Variants in DNAJC9 observed in about 807,000 individuals in gnomAD.
DNAJC9 encodes dnaJ homolog subfamily C member 9.
A neutral mutation model predicts 32.4 loss-of-function variants in DNAJC9; 18 were observed. That is an observed-to-expected ratio of 0.56 (90% CI 0.38 to 0.82). DNAJC9 has a LOEUF of 0.82. Among genes scored for constraint, DNAJC9 ranks in the 40% least tolerant of loss-of-function variants. DNAJC9 has a pLI of 0.00. For missense variants in DNAJC9, 310 were observed against 321.8 expected (o/e 0.96, Z 0.28); for synonymous variants, 113 against 122.1 (o/e 0.93, Z 0.49).
At chr10:73,240,211 AG>A (rs1290569015), downstream of DNAJC9, among the ~76,000 whole-genome samples, 1 of 152,230 alleles carries the variant, frequency 6.6e-6, no homozygotes, top group Admixed American at 6.5e-5. Flanking sequence ...AGGTAAATTT[AG>A]AAGTAATGGA....
At chr10:73,235,354 T>C (rs1207391793), downstream of DNAJC9, 5 of 1,549,644 alleles carry the variant, frequency 3.2e-6, no homozygotes, top group South Asian at 1.2e-5. Context: ...GTCTTGATAG[T>C]TGGGGAAAGA....
At chr10:73,245,467 A>C (rs2043996766) in intron 3 of DNAJC9, among the ~76,000 whole-genome samples, 1 of 151,970 alleles carries the variant, frequency 6.6e-6, no homozygotes, top group Non-Finnish European at 1.5e-5. Context: ...AAAAAAAAGA[A>C]AAGAAAAATT....
rs2043746370 is a variant in DNAJC9, at chr10:73,233,071, TCCA to T, written n.147+10769_147+10771del. 4 of 1,551,682 alleles carry T rather than the reference TCCA, an allele frequency of 2.6e-6. No individual in the cohort carries two copies. The South Asian group carries it at 4.8e-5, about 18-fold the overall frequency. Reference sequence around the variant, plus strand: ...CAGTGCAGTCCACCAGGAGACGCAATCCACCACCACGAACTCTTCATCCGATCA... The same window carrying T: ...CAGTGCAGTCCACCAGGAGACGCAATCCACCACGAACTCTTCATCCGATCA... On this transcript the variant is annotated intron_variant and non_coding_transcript_variant, in intron 2 of 2. Coordinates refer to the DNAJC9 transcript ENST00000469143.
chr10:73,246,553 T>G, intron 2 of DNAJC9, 135 bp downstream of exon 2: 1 of 990,996 alleles, frequency 1.0e-6, no homozygotes, highest in Non-Finnish European at 1.5e-6. Context: ...TGCGTGTATC[T>G]GTATTTCAAG....
chr10:73,235,019 G>A (rs972448583), downstream of DNAJC9: 3 of 1,508,890 alleles, frequency 2.0e-6, no homozygotes, highest in East Asian at 7.4e-5. Context: ...TCTGTGCCCT[G>A]ATCTTGATTT....
chr10:73,237,522 C>T (rs1312355454), downstream of DNAJC9, among the ~76,000 whole-genome samples: 1 of 151,414 alleles, frequency 6.6e-6, no homozygotes, highest in Non-Finnish European at 1.5e-5. Flanking sequence ...TGGGTTCAAT[C>T]GATTCTCCTG....
intron 2 of DNAJC9, chr10:73,233,042 T>G: frequency 6.4e-7 from 1 of 1,551,732 alleles, no homozygotes. Context: ...ATCTCTGTCA[T>G]ACACAGTGCA....
chr10:73,235,307 C>CA, downstream of DNAJC9: 1 of 1,552,040 alleles, frequency 6.4e-7, no homozygotes, highest in Non-Finnish European at 8.7e-7. Context: ...CAACACAACT[C>CA]AATCATTTTT....
At chr10:73,240,338 T>G (rs1223019885), downstream of DNAJC9, among the ~76,000 whole-genome samples, 3 of 152,226 alleles carry the variant, frequency 2.0e-5, no homozygotes, top group Non-Finnish European at 4.4e-5. Flanking sequence ...CCCCGCAGCA[T>G]TGTCTGGTAG....
rs781539113 is a variant in DNAJC9 at position 73,247,093 on chromosome 10, G to A, written c.97C>T (p.Arg33Ter). The change falls in exon 1 of 5, where the codon CGA becomes TGA. Residue 33 changes from arginine (R) to a stop codon, truncating the protein, a stop_gained. Coordinates refer to ENST00000372950, the MANE Select transcript of DNAJC9 (RefSeq NM_015190.5). LOFTEE classifies it high-confidence loss of function. ...TGCAGGGACACCTTGTGGTAGCCTC[G>A]TCGGACCTCGCCGTCGGAGGCCTCG... ...RREASDGEVR[R>*]GYHKVSLQVH... 1.9e-6 allele frequency: 3 copies of A among 1,595,784 alleles called. No individual in the cohort carries two copies. The highest frequency in any genetic ancestry group is 4.6e-5 in the East Asian group (2 of 43,624).
chr10:73,247,004 G>A lies in DNAJC9; in HGVS notation c.180+6C>T. 2 of 1,563,156 alleles carry A rather than the reference G, an allele frequency of 1.3e-6. No individual in the cohort carries two copies. The highest frequency in any genetic ancestry group is 1.7e-6 in the Non-Finnish European group (2 of 1,153,344). On this transcript the variant is annotated splice_donor_region_variant and intron_variant, in intron 1 of 4. Transcript: ENST00000372950. Reference sequence around the variant, plus strand: ...CCGGTCGGCTTCGGGGCGGGACCCTGCATACCTGGAAGCGGCGGGTGGCGT... The same window carrying A: ...CCGGTCGGCTTCGGGGCGGGACCCTACATACCTGGAAGCGGCGGGTGGCGT...
chr10:73,243,463 T>G lies in DNAJC9; in HGVS notation c.720A>C (p.Ala240=), dbSNP rs150122836. Residue 240 remains alanine, a synonymous_variant, in exon 5 of 5, where the codon GCA becomes GCC. Coordinates refer to ENST00000372950, the MANE Select transcript of DNAJC9 (RefSeq NM_015190.5). ...EMDNFLAQME[A]KYCKSSKGGG... is the part of the protein sequence containing the mutation. The stretch of plus-strand genomic sequence containing the variant: ...CTCCTTTGGAAGATTTGCAGTACTT[T>G]GCTTCCATCTGAGCCAGAAAATTGT... The G allele has an allele frequency of 2.2e-4, 359 of 1,614,126 alleles. 3 individuals carry two copies. In the African/African-American group the frequency reaches 4.2e-3, roughly 19 times the overall value.
Position 73,243,334 on chromosome 10 carries a change from C to T in DNAJC9, c.*66G>A. The T allele has an allele frequency of 6.3e-7, 1 of 1,580,598 alleles. No homozygotes were observed. The highest frequency in any genetic ancestry group is 8.6e-7 in the Non-Finnish European group (1 of 1,163,706). ...GCTGAATTGACTTTTGCCTTCAAAT[C>T]CTGCCTGCACCTTGCCTACGATGGC... is the stretch of plus-strand genomic sequence containing the variant. On this transcript the variant is annotated 3_prime_UTR_variant, in exon 5 of 5. Transcript: ENST00000372950.
chr10:73,247,182 A>G lies in DNAJC9; in HGVS notation c.8T>C (p.Leu3Pro). The change falls in exon 1 of 5, where the codon CTG (leucine) becomes CCG (proline). Residue 3 changes from leucine to proline, a missense_variant. By Grantham distance (98) the Leu-to-Pro change is moderately conservative. Transcript: ENST00000372950. Reference sequence around the variant, plus strand: ...GAACACTTCCTCGCAAAGGTCCAGCAGCCCCATGCCGGGCGGAGATACGAC... The same window carrying G: ...GAACACTTCCTCGCAAAGGTCCAGCGGCCCCATGCCGGGCGGAGATACGAC... MGLLDLCEEVFGT... is the reference protein window; with the variant it reads MGPLDLCEEVFGT... 1 of 1,593,104 alleles carries G rather than the reference A, an allele frequency of 6.3e-7. No individual in the cohort carries two copies. The highest frequency in any genetic ancestry group is 8.5e-7 in the Non-Finnish European group (1 of 1,170,876).
chr10:73,240,478 C>G (rs748162205), downstream of DNAJC9, among the ~76,000 whole-genome samples: 11 of 152,072 alleles, frequency 7.2e-5, no homozygotes, highest in Non-Finnish European at 1.5e-4. Context: ...TTTCGGAGGC[C>G]AAGGCGGGCG....
chr10:73,243,296 C>T lies in DNAJC9; in HGVS notation c.*104G>A. 7.5e-7 allele frequency: 1 copy of T among 1,328,362 alleles called. No individual in the cohort carries two copies. Among genetic ancestry groups the T allele is most frequent in the African/African-American group, 1.5e-5 (1 of 68,470 alleles). 82.3% of individuals were successfully genotyped at this position (1,328,362 alleles called of 1,614,324 possible). A position where few individuals can be genotyped will look rare whatever the true frequency, so the allele number is the denominator to read the frequency against. On this transcript the variant is annotated 3_prime_UTR_variant, in exon 5 of 5. Coordinates refer to ENST00000372950, the MANE Select transcript of DNAJC9 (RefSeq NM_015190.5). Reference sequence around the variant, plus strand: ...CTGAAAAATTCAGGCTGGAAAGACACCTTTTCTCAAGAGCTGAATTGACTT... The same window carrying T: ...CTGAAAAATTCAGGCTGGAAAGACATCTTTTCTCAAGAGCTGAATTGACTT...
chr10:73,234,599 G>A (rs2043780837), downstream of DNAJC9: 1 of 525,998 alleles, frequency 1.9e-6, no homozygotes, highest in Non-Finnish European at 3.4e-6. Flanking sequence ...CTTCTGTTGT[G>A]TACCCAGAGT....
downstream of DNAJC9, chr10:73,239,076 C>T (rs956219760): frequency 4.0e-5 from 17 of 428,876 alleles, no homozygotes; most frequent in South Asian, 8.6e-5. Context: ...ATTTCCTTAA[C>T]GGCATAGTAA....
At chr10:73,236,995 T>A (rs899040351), downstream of DNAJC9, among the ~76,000 whole-genome samples, 1 of 152,090 alleles carries the variant, frequency 6.6e-6, no homozygotes, top group African/African-American at 2.4e-5. Flanking sequence ...ACTACAGGCA[T>A]GAGCCACATG....
Sources: gnomAD v4.1 joint callset for allele counts (sites outside exome capture counted in the v4.1 genomes callset) on GRCh38, gnomAD v4.1.1 for gene constraint, MANE v1.5 for transcripts, NCBI Gene and HGNC (gene_info 2026-07-23, HGNC 2026-07-21) for gene names.